Variants in COL6A3 observed in about 807,000 individuals in gnomAD.
COL6A3 encodes collagen alpha-3(VI) chain.
In COL6A3, 137 loss-of-function variants were observed where a neutral mutation model predicts 274.1. That is an observed-to-expected ratio of 0.50 (90% confidence interval 0.44 to 0.58). COL6A3 has a LOEUF of 0.58. COL6A3 is among the 20% of genes least tolerant of loss of function. The pLI is 0.00. For synonymous variants in COL6A3, 1,650 were observed against 1,650.6 expected (o/e 1.00, Z 0.01); for missense variants, 3,950 against 4,124.9 (o/e 0.96, Z 1.16).
chr2:237,339,852 G>T (rs909612711), intron 38 of COL6A3, among the ~76,000 whole-genome samples: 1 of 152,244 alleles, frequency 6.6e-6, no homozygotes, highest in Non-Finnish European at 1.5e-5. Context: ...GCCCTAAATA[G>T]GGTGTCCGGA....
intron 3 of COL6A3, among the ~76,000 whole-genome samples, chr2:237,388,590 T>C (rs1252830471): frequency 6.6e-6 from 1 of 152,154 alleles, no homozygotes; most frequent in Non-Finnish European, 1.5e-5. Context: ...TACCAAAACT[T>C]TAGAGATGAT....
rs370475865 is a variant in COL6A3 at position 237,367,120 on chromosome 2, G to A, written c.5067C>T (p.Asp1689=). The change falls in exon 11 of 44, where the codon GAC becomes GAT. Residue 1689 remains aspartate (D), a synonymous_variant. Transcript: ENST00000295550. ...GLVQYNSDPT[D]EFFLKDFSTK... is the part of the protein sequence containing the mutation. The stretch of plus-strand genomic sequence containing the variant: ...TAGAGAAGTCCTTCAGGAAGAATTC[G>A]TCAGTGGGGTCAGAGTTGTACTGGA... 1.5e-5 allele frequency: 24 copies of A among 1,614,068 alleles called. No individual in the cohort carries two copies. The highest frequency in any genetic ancestry group is 3.3e-4 in the Middle Eastern group (2 of 6,084).
chr2:237,366,302 C>T (rs975161779), intron 11 of COL6A3, among the ~76,000 whole-genome samples: 3 of 152,138 alleles, frequency 2.0e-5, no homozygotes, highest in Non-Finnish European at 4.4e-5. Context: ...TGTGATGATA[C>T]ACCACTGGTG....
chr2:237,399,811 A>G (rs559106304), intron 1 of COL6A3, among the ~76,000 whole-genome samples: 42 of 152,248 alleles, frequency 2.8e-4, no homozygotes, highest in Admixed American at 2.1e-3. Flanking sequence ...GGGTTTGCAA[A>G]TATCTGCTCT....
chr2:237,351,020 A>C, intron 27 of COL6A3, 110 bp downstream of exon 27: 2 of 1,016,790 alleles, frequency 2.0e-6, no homozygotes, highest in Non-Finnish European at 3.1e-6. Flanking sequence ...TGGAGTGGGA[A>C]CCAGTAGTAC....
At position 237,355,114 on chromosome 2, in the gene COL6A3, C is replaced by T; in HGVS notation, c.6592-180G>A. 6.9e-6 allele frequency: 4 copies of T among 581,108 alleles called. No individual in the cohort carries two copies. In the South Asian group the frequency reaches 9.9e-5, roughly 14 times the overall value. The allele number at this position is 581,108 out of a possible 1,614,324, so 36.0% of individuals were successfully genotyped here. On this transcript the variant is annotated intron_variant, in intron 23 of 43. Coordinates refer to ENST00000295550, the MANE Select transcript of COL6A3 (RefSeq NM_004369.4). ...CATCAGCCCTGGGGAAACTCGCACA[C>T]ACAGACACCCTTCCTCCACCCTCAT...
chr2:237,328,892 T>G (rs917705726), intron 42 of COL6A3: 5 of 152,114 alleles, frequency 3.3e-5, no homozygotes, highest in African/African-American at 9.7e-5. Context: ...AACAAGAAAA[T>G]TCAATCACCT....
Position 237,359,365 on chromosome 2 carries a change from C to T in COL6A3, c.6306G>A (p.Glu2102=), listed in dbSNP as rs2077386020. 6 of 1,614,038 alleles carry T rather than the reference C, an allele frequency of 3.7e-6. No homozygotes were observed. The highest frequency in any genetic ancestry group is 5.1e-6 in the Non-Finnish European group (6 of 1,180,004). ...GVKGSRGFPG[E]KGEVGEIGLD... is the part of the protein sequence containing the mutation. The stretch of plus-strand genomic sequence containing the variant: ...AAACAAAACCAAGCTTGCATACCTT[C>T]TCTCCTGGGAATCCCCGAGAGCCCT... Residue 2102 remains glutamate (E), a synonymous_variant, in exon 18 of 44, where the codon GAG becomes GAA. Coordinates refer to ENST00000295550, the MANE Select transcript of COL6A3 (RefSeq NM_004369.4).
chr2:237,404,464 T>C (rs982005232), intron 1 of COL6A3, among the ~76,000 whole-genome samples: 2 of 152,210 alleles, frequency 1.3e-5, no homozygotes, highest in African/African-American at 2.4e-5. Context: ...TTTTAAGTGG[T>C]ATTTTTGTTT....
Position 237,336,296 on chromosome 2 carries a change from G to T in COL6A3, c.8804C>A (p.Ala2935Glu), listed in dbSNP as rs36020669. The change falls in exon 40 of 44, where the codon GCG (alanine) becomes GAG (glutamate). Residue 2935 changes from alanine (A) to glutamate (E), a missense_variant. This residue lies in a region of COL6A3 where 1,284 missense variants were observed against 1,349.7 expected (regional missense o/e 0.95). Coordinates refer to ENST00000295550, the MANE Select transcript of COL6A3 (RefSeq NM_004369.4). ...CTTCGCTGCCGTTGCTGGCTTCACC[G>T]CCACTGGGGGTCTAACAGTGGCCAT... ...TKMATVRPPVAVKPATAAKPV... is the reference protein window; with the variant it reads ...TKMATVRPPVEVKPATAAKPV... The T allele has an allele frequency of 3.7e-6, 6 of 1,613,008 alleles. No individual in the cohort carries two copies. In the South Asian group the frequency reaches 5.5e-5, roughly 15 times the overall value.
intron 23 of COL6A3, 105 bp from the exon 24 acceptor site, chr2:237,355,039 G>A (rs527847671): frequency 9.1e-7 from 1 of 1,095,284 alleles, no homozygotes; most frequent in South Asian, 1.4e-5. Flanking sequence ...GGTTACTCAG[G>A]GGAATCTTCC....
In COL6A3 at chr2:237,334,825, C is replaced by G; in HGVS notation, c.9030G>C (p.Glu3010Asp). The change falls in exon 41 of 44, where the codon GAG (glutamate) becomes GAC (aspartate). Residue 3010 changes from glutamate to aspartate, a missense_variant. Transcript: ENST00000295550. ...AATAAGGACCGGGGGGCTCAGCCCTCTCCCAGTGGAGTTTGGCGCTGTTCT... is the reference window on the plus strand; with the variant it reads ...AATAAGGACCGGGGGGCTCAGCCCTGTCCCAGTGGAGTTTGGCGCTGTTCT... Reference protein sequence around the residue: ...ITENSAKLHWERAEPPGPYFY... With the variant: ...ITENSAKLHWDRAEPPGPYFY... 1 of 1,614,186 alleles carries G rather than the reference C, an allele frequency of 6.2e-7. No homozygotes were observed. The highest frequency in any genetic ancestry group is 8.5e-7 in the Non-Finnish European group (1 of 1,180,030).
At chr2:237,345,291 A>G in intron 32 of COL6A3, 78 bp from the exon 33 acceptor site, 1 of 1,435,422 alleles carries the variant, frequency 7.0e-7, no homozygotes, top group East Asian at 2.3e-5. Context: ...CCCCAGAAAT[A>G]CACAGAGCAA....
rs774531619 is a variant in COL6A3, at chr2:237,379,155, C to A, written c.1978G>T (p.Asp660Tyr). 1.2e-6 allele frequency: 2 copies of A among 1,614,166 alleles called. No homozygotes were observed. Among genetic ancestry groups the A allele is most frequent in the East Asian group, 4.5e-5 (2 of 44,888 alleles). ...CTGTTAACTAGGTTCATTACAAAGT[C>A]GCGCACATAAGGGAAATTGGTTTTT... ...VGKTNFPYVRDFVMNLVNSLD... is the reference protein window; with the variant it reads ...VGKTNFPYVRYFVMNLVNSLD... Residue 660 changes from aspartate (D) to tyrosine (Y), a missense_variant, in exon 6 of 44, where the codon GAC (aspartate) becomes TAC (tyrosine). Transcript: ENST00000295550.
intron 2 of COL6A3, 114 bp downstream of exon 2, chr2:237,396,613 G>T: frequency 9.7e-7 from 1 of 1,035,654 alleles, no homozygotes; most frequent in Non-Finnish European, 1.5e-6. Flanking sequence ...TATAATAAAT[G>T]GCTTAGCTAC....
intron 8 of COL6A3, among the ~76,000 whole-genome samples, chr2:237,373,797 C>G (rs2077758897): frequency 6.6e-6 from 1 of 152,110 alleles, no homozygotes; most frequent in Non-Finnish European, 1.5e-5. Context: ...AGCACCAGGG[C>G]TCCCACCATT....
rs771208624 is a variant in COL6A3, at chr2:237,372,078, G to A, written c.3939C>T (p.Gly1313=). 13 of 1,614,028 alleles carry A rather than the reference G, an allele frequency of 8.1e-6. No homozygotes were observed. In the South Asian group the frequency reaches 1.4e-4, roughly 18 times the overall value. The change falls in exon 9 of 44, where the codon GGC becomes GGT. Residue 1313 remains glycine (G), a synonymous_variant. Coordinates refer to ENST00000295550, the MANE Select transcript of COL6A3 (RefSeq NM_004369.4). ...TCCTGGACACGTACTCCAGGGCATT[G>A]CCCACGTTGATCTGCCGCCCTCCCT... is the stretch of plus-strand genomic sequence containing the variant. ...RPKGGRQINV[G]NALEYVSRNI...
In COL6A3 at chr2:237,345,192, C is replaced by T. The variant is rs142002241; in HGVS notation, c.7114G>A (p.Asp2372Asn). 2.5e-4 allele frequency: 410 copies of T among 1,614,116 alleles called. No homozygotes were observed. Among genetic ancestry groups the T allele is most frequent in the Non-Finnish European group, 3.1e-4 (367 of 1,180,022 alleles). The stretch of plus-strand genomic sequence containing the variant: ...CACATGCAACTTACATCGATGGAGT[C>T]GCCCCTGTTGCCCTTGGGACCCTGT... ...GPAGPKGNRG[D>N]SIDQCALIQS... Residue 2372 changes from aspartate to asparagine, a missense_variant, in exon 33 of 44, where the codon GAC becomes AAC. Asp to Asn is a conservative substitution (Grantham distance 23). Coordinates refer to ENST00000295550, the MANE Select transcript of COL6A3 (RefSeq NM_004369.4).
intron 43 of COL6A3, 74 bp from the exon 44 acceptor site, chr2:237,324,888 C>T: frequency 6.8e-7 from 1 of 1,461,208 alleles, no homozygotes; most frequent in Non-Finnish European, 9.5e-7. Flanking sequence ...ACATTACTGA[C>T]CCAAAAGGGC....
Sources: gnomAD v4.1 joint callset for allele counts (sites outside exome capture counted in the v4.1 genomes callset) on GRCh38, gnomAD v4.1.1 for gene constraint, gnomAD v4.1.1 regional missense constraint, MANE v1.5 for transcripts, NCBI Gene and HGNC (gene_info 2026-07-23, HGNC 2026-07-21) for gene names.